The following NEDD9 variants were observed in gnomAD, a reference collection of about 807,000 sequenced individuals.
The protein encoded by NEDD9 is enhancer of filamentation 1.
NEDD9 carries 26 observed loss-of-function variants against 76.6 expected under a neutral mutation model. That is an observed-to-expected ratio of 0.34 (90% CI 0.25 to 0.47). The LOEUF is 0.47. NEDD9 is among the 20% of genes least tolerant of loss of function. The pLI, the probability that NEDD9 is intolerant of heterozygous loss-of-function variation, is 1.00. For synonymous variants in NEDD9, 392 were observed against 414.2 expected, an observed-to-expected ratio of 0.95 and a Z score of 0.65; for missense variants, 937 against 1,058.5, an observed-to-expected ratio of 0.89 and a Z score of 1.59.
At chr6:11,380,707 C>T (rs1763046704) in intron 1 of NEDD9, among the ~76,000 whole-genome samples, 1 of 152,202 alleles carries the variant, frequency 6.6e-6, no homozygotes, top group Non-Finnish European at 1.5e-5. Context: ...CCCTTATTTA[C>T]GTGTAGAGGA....
In NEDD9 at chr6:11,213,333, G is replaced by T. The variant is rs34265420; in HGVS notation, c.407C>A (p.Pro136Gln). The change falls in exon 2 of 7, where the codon CCA becomes CAA. Residue 136 changes from proline (P) to glutamine (Q), a missense_variant. Transcript: ENST00000379446. This position sits in a 1 kb window ranked among gnomAD's most constrained non-coding sequence, Gnocchi z 5.4. ...TCCCCCAATGCTTCTCTGCACTGAT[G>T]GTGGCACCTGATATACCTCTTGTTC... Reference protein sequence around the residue: ...TQEQEVYQVPPSVQRSIGGTS... With the variant: ...TQEQEVYQVPQSVQRSIGGTS... 3.5e-3 allele frequency: 5,718 copies of T among 1,614,094 alleles called. 15 individuals carry two copies. Among genetic ancestry groups the T allele is most frequent in the Middle Eastern group, 4.0e-3 (24 of 6,062 alleles).
intron 1 of NEDD9, among the ~76,000 whole-genome samples, chr6:11,367,646 G>T (rs1419371865): frequency 6.6e-6 from 1 of 152,096 alleles, no homozygotes; most frequent in East Asian, 1.9e-4. Flanking sequence ...AGAGTAAGCT[G>T]CAATTAGCAA....
At chr6:11,305,293 C>G (rs1272663506) in intron 3 of NEDD9, 1 of 466,124 alleles carries the variant, frequency 2.1e-6, no homozygotes, top group Non-Finnish European at 3.5e-6. Context: ...ATTTTATAAA[C>G]ACAGAAACAG....
Position 11,296,997 on chromosome 6 carries a change from G to A in NEDD9, c.12+8995C>T, listed in dbSNP as rs752386276. On this transcript the variant is annotated intron_variant, in intron 3 of 3. Transcript: ENST00000397378. Reference sequence around the variant, plus strand: ...ACCCACCTCGGCCTCCCAAAGTGCTGGTATTATAGGCGTGAGCCACCACGC... The same window carrying A: ...ACCCACCTCGGCCTCCCAAAGTGCTAGTATTATAGGCGTGAGCCACCACGC... Among the ~76,000 whole-genome samples the A allele has an allele frequency of 5.5e-4, 83 of 152,166 alleles. 1 individual carries two copies. The highest frequency in any genetic ancestry group is 1.0e-3 in the Non-Finnish European group (69 of 68,034).
intron 1 of NEDD9, among the ~76,000 whole-genome samples, chr6:11,346,945 C>T (rs1762375605): frequency 6.6e-6 from 1 of 152,114 alleles, no homozygotes; most frequent in Admixed American, 6.5e-5. Flanking sequence ...TACCTGCTCC[C>T]CAAACTCCAT....
chr6:11,184,053 G>A lies in NEDD9; in HGVS notation c.*1109C>T. 1 of 152,232 alleles carries A rather than the reference G, an allele frequency of 6.6e-6. No homozygotes were observed. The highest frequency in any genetic ancestry group is 1.9e-4 in the East Asian group (1 of 5,198). 9.4% of individuals were successfully genotyped at this position (152,232 alleles called of 1,614,324 possible). On this transcript the variant is annotated 3_prime_UTR_variant, in exon 7 of 7. Coordinates refer to ENST00000379446, the MANE Select transcript of NEDD9 (RefSeq NM_006403.4). ...GTTGCAAAAATTAGATGGACTCTGT[G>A]TAGCTAGCCACTCTTGAGTGTCAGG...
intron 1 of NEDD9, among the ~76,000 whole-genome samples, chr6:11,227,767 G>A (rs575030944): frequency 4.0e-4 from 60 of 151,810 alleles, no homozygotes; most frequent in African/African-American, 1.4e-3. Context: ...TTGATTGAAA[G>A]AGGTCAATAA....
Position 11,275,979 on chromosome 6 carries a change from T to A in NEDD9, c.12+30013A>T, listed in dbSNP as rs980611241. On this transcript the variant is annotated intron_variant, in intron 3 of 3. Transcript: ENST00000397378. ...ACGGGAAGTTAGATTCTACTTTAGA[T>A]AATCACTACTTTAAAGTGTTTTAAT... Among the ~76,000 whole-genome samples, 3 of 152,352 alleles carry A rather than the reference T, an allele frequency of 2.0e-5. No individual in the cohort carries two copies. The South Asian group carries it at 6.2e-4, about 32-fold the overall frequency.
intron 2 of NEDD9, among the ~76,000 whole-genome samples, chr6:11,321,950 G>A (rs752313720): frequency 1.3e-5 from 2 of 152,134 alleles, no homozygotes; most frequent in African/African-American, 4.8e-5. Flanking sequence ...CGAGAGACTG[G>A]ATAAAGAAAA....
Position 11,241,409 on chromosome 6 carries a change from T to C in NEDD9, c.13-27682A>G, listed in dbSNP as rs1330956695. ...TGACATCATGTGATATGATGCGACT[T>C]TGTAGCCCTCTTCCCCTCTCCACGT... On this transcript the variant is annotated intron_variant, in intron 3 of 3. Transcript: ENST00000397378. This position sits in a 1 kb window ranked among gnomAD's most constrained non-coding sequence, Gnocchi z 4.0. Among the ~76,000 whole-genome samples the C allele has an allele frequency of 6.6e-6, 1 of 152,178 alleles. No homozygotes were observed. Among genetic ancestry groups the C allele is most frequent in the Admixed American group, 6.5e-5 (1 of 15,280 alleles).
chr6:11,293,364 C>G (rs760869788), intron 3 of NEDD9, among the ~76,000 whole-genome samples: 1 of 152,122 alleles, frequency 6.6e-6, no homozygotes, highest in Non-Finnish European at 1.5e-5. Context: ...TTTCCACTAA[C>G]CCATGTTAGC....
chr6:11,253,883 C>T (rs574919967), intron 3 of NEDD9, among the ~76,000 whole-genome samples: 5 of 152,098 alleles, frequency 3.3e-5, no homozygotes, highest in African/African-American at 4.8e-5. Flanking sequence ...GAGTTGCACA[C>T]GTCTGGTCAT....
chr6:11,377,208 G>A (rs1026023185), intron 1 of NEDD9, among the ~76,000 whole-genome samples: 3 of 152,240 alleles, frequency 2.0e-5, no homozygotes, highest in African/African-American at 7.2e-5. Flanking sequence ...CTCCTACACA[G>A]AGTCCCCACC....
At chr6:11,372,534 T>C (rs1762896160) in intron 1 of NEDD9, among the ~76,000 whole-genome samples, 1 of 152,216 alleles carries the variant, frequency 6.6e-6, no homozygotes, top group Admixed American at 6.5e-5. Context: ...TGCTGGATCA[T>C]ATGACAGCTC....
chr6:11,309,610 C>T lies in NEDD9; in HGVS notation c.-152-3455G>A, dbSNP rs372119456. On this transcript the variant is annotated intron_variant, in intron 2 of 3. Coordinates refer to the NEDD9 transcript ENST00000397378. ...AAGTGGTCGTATCAATCGATATTCT[C>T]ATCAACAAGGTATAATAGCTCCCAT... Among the ~76,000 whole-genome samples the T allele has an allele frequency of 4.5e-4, 69 of 152,308 alleles. 1 individual carries two copies. The South Asian group carries it at 0.014, about 31-fold the overall frequency.
In NEDD9 at chr6:11,204,911, C is replaced by G. The variant is rs75077948; in HGVS notation, c.459+8370G>C. Among the ~76,000 whole-genome samples, 337 of 152,138 alleles carry G rather than the reference C, an allele frequency of 2.2e-3. 1 individual carries two copies. The highest frequency in any genetic ancestry group is 7.5e-3 in the African/African-American group (312 of 41,502). On this transcript the variant is annotated intron_variant, in intron 2 of 6. Transcript: ENST00000379446. ...CACTACAGCTAGGTGGGGGGAACTT[C>G]CAAGCTCCTTAATTCAGATTCCCTC...
intron 1 of NEDD9, among the ~76,000 whole-genome samples, chr6:11,368,961 C>G (rs1762813914): frequency 6.6e-6 from 1 of 152,280 alleles, no homozygotes; most frequent in Admixed American, 6.5e-5. Context: ...TCCATTGACT[C>G]ATAAAACCTT....
chr6:11,356,600 G>C (rs547786403), intron 1 of NEDD9, among the ~76,000 whole-genome samples: 2 of 152,036 alleles, frequency 1.3e-5, no homozygotes, highest in Non-Finnish European at 2.9e-5. Context: ...GGCTGGGCGG[G>C]GCTGGAATTT....
chr6:11,265,909 T>C lies in NEDD9; in HGVS notation c.12+40083A>G, dbSNP rs1468289332. On this transcript the variant is annotated intron_variant, in intron 3 of 3. Transcript: ENST00000397378. ...AAAATGGATGGAACTGAGGCCATTA[T>C]CTTAAGTGAAACAAGCCAGACACAG... is the stretch of plus-strand genomic sequence containing the variant. Among the ~76,000 whole-genome samples, 3 of 151,998 alleles carry C rather than the reference T, an allele frequency of 2.0e-5. 1 individual carries two copies. Among genetic ancestry groups the C allele is most frequent in the Non-Finnish European group, 4.4e-5 (3 of 68,040 alleles).
Sources: gnomAD v4.1 joint callset for allele counts (sites outside exome capture counted in the v4.1 genomes callset) on GRCh38, gnomAD v4.1.1 for gene constraint, Gnocchi (gnomAD v3.1) non-coding constraint, MANE v1.5 for transcripts, NCBI Gene and HGNC (gene_info 2026-07-23, HGNC 2026-07-21) for gene names.